The following DCDC1 variants were observed in gnomAD, a reference collection of about 807,000 sequenced individuals.
The protein encoded by DCDC1 is doublecortin domain-containing protein 1.
Under a neutral mutation model 178.3 loss-of-function variants are expected in DCDC1, and 200 were observed. The ratio of observed to expected loss-of-function variants is 1.12; its 90% CI spans 1.00 to 1.26. The LOEUF is 1.26. DCDC1 is among the 50% of genes most tolerant of loss of function. DCDC1 has a pLI of 0.00. For missense variants in DCDC1, 1,983 were observed against 1,749.2 expected, an observed-to-expected ratio of 1.13 and a Z score of -2.38; for synonymous variants, 690 against 604.8, an observed-to-expected ratio of 1.14 and a Z score of -2.07.
intron 34 of DCDC1, 70 bp from the exon 35 acceptor site, chr11:30,894,454 G>A (rs1201140742): frequency 1.3e-6 from 2 of 1,579,886 alleles, no homozygotes; most frequent in Admixed American, 1.8e-5. Flanking sequence ...AACTGATTTG[G>A]CTCTCTATGT....
intron 20 of DCDC1, among the ~76,000 whole-genome samples, chr11:31,056,724 G>C (rs1156725917): frequency 6.6e-6 from 1 of 152,104 alleles, no homozygotes; most frequent in Middle Eastern, 3.4e-3. Context: ...CAATTTAGTG[G>C]GGAATTTTTA....
At chr11:31,189,440 T>C (rs934944477) in intron 9 of DCDC1, among the ~76,000 whole-genome samples, 2 of 152,184 alleles carry the variant, frequency 1.3e-5, no homozygotes, top group African/African-American at 4.8e-5. Flanking sequence ...CCTTCTTATC[T>C]CAGGACTGAA....
chr11:31,012,100 T>C (rs1398414571), intron 20 of DCDC1, among the ~76,000 whole-genome samples: 1 of 152,138 alleles, frequency 6.6e-6, no homozygotes, highest in Non-Finnish European at 1.5e-5. Context: ...ACATGCGTCT[T>C]CCTCTTCACC....
intron 20 of DCDC1, among the ~76,000 whole-genome samples, chr11:31,056,159 T>C (rs1407904206): frequency 6.6e-6 from 1 of 152,040 alleles, no homozygotes; most frequent in Non-Finnish European, 1.5e-5. Context: ...CAAGGCAGCA[T>C]GTATAATCTC....
intron 20 of DCDC1, among the ~76,000 whole-genome samples, chr11:31,018,466 C>T (rs1189612744): frequency 1.3e-5 from 2 of 152,176 alleles, no homozygotes; most frequent in Non-Finnish European, 2.9e-5. Flanking sequence ...GCCAGATGCC[C>T]TATGCTCCTC....
rs1310885772 is a variant in DCDC1, at chr11:30,865,026, G to A, written c.*347C>T. ...TTCAGTTGTACTCATCTGTCCCACT[G>A]TGCAAATGGAGTCACACGCTCACTC... On this transcript the variant is annotated 3_prime_UTR_variant, in exon 39 of 39. Transcript: ENST00000684477. 6.6e-6 allele frequency: 1 copy of A among 152,070 alleles called. No individual in the cohort carries two copies. The highest frequency in any genetic ancestry group is 1.9e-4 in the East Asian group (1 of 5,186). The allele number at this position is 152,070 out of a possible 1,614,324, so 9.4% of individuals were successfully genotyped here. A position where few individuals can be genotyped will look rare whatever the true frequency, so the allele number is the denominator to read the frequency against.
At chr11:31,101,148 T>C (rs987209655) in intron 15 of DCDC1, among the ~76,000 whole-genome samples, 1 of 152,162 alleles carries the variant, frequency 6.6e-6, no homozygotes, top group Non-Finnish European at 1.5e-5. Flanking sequence ...CATTGACTCT[T>C]GGAAATACAG....
intron 9 of DCDC1, among the ~76,000 whole-genome samples, chr11:31,164,751 G>A (rs1181576267): frequency 2.6e-5 from 4 of 152,170 alleles, no homozygotes; most frequent in Non-Finnish European, 5.9e-5. Context: ...ATATAAAATT[G>A]TTTTAATAAT....
intron 11 of DCDC1, among the ~76,000 whole-genome samples, chr11:31,114,680 A>T (rs879362839): frequency 6.6e-6 from 1 of 152,200 alleles, no homozygotes; most frequent in Non-Finnish European, 1.5e-5. Flanking sequence ...AGCTACTGTG[A>T]CTGGAGCAGA....
chr11:31,290,967 G>C, intron 6 of DCDC1, 115 bp from the exon 7 acceptor site: 1 of 929,682 alleles, frequency 1.1e-6, no homozygotes, highest in Non-Finnish European at 1.6e-6. Flanking sequence ...TCTCCATTTA[G>C]ATGCTGGTTT....
rs370492172 is a variant in DCDC1 at position 31,075,987 on chromosome 11, G to A, written c.2298+1878C>T. Among the ~76,000 whole-genome samples the A allele has an allele frequency of 1.1e-3, 166 of 152,268 alleles. 6 individuals carry two copies. The South Asian group carries it at 0.031, about 28-fold the overall frequency. On this transcript the variant is annotated intron_variant, in intron 18 of 38. Coordinates refer to ENST00000684477, the MANE Select transcript of DCDC1 (RefSeq NM_001387274.1). ...TGATTCTCCTGCCTCAGCCTCCCCA[G>A]TAGCTGGGATTACAGGCATGTACCA...
intron 34 of DCDC1, among the ~76,000 whole-genome samples, chr11:30,897,526 T>C (rs868282798): frequency 2.6e-4 from 34 of 130,970 alleles, no homozygotes; most frequent in African/African-American, 9.8e-4. Flanking sequence ...GAGCTTGCAG[T>C]GAGCTGAGAT....
intron 1 of DCDC1, among the ~76,000 whole-genome samples, chr11:31,351,058 A>G (rs1328649990): frequency 1.3e-5 from 2 of 152,084 alleles, no homozygotes; most frequent in African/African-American, 4.8e-5. Context: ...CTACATTTCA[A>G]GATTGACTTA....
At chr11:30,915,444 A>C in intron 27 of DCDC1, 67 bp downstream of exon 27, 1 of 1,539,990 alleles carries the variant, frequency 6.5e-7, no homozygotes, top group Non-Finnish European at 9.0e-7. Context: ...TTCTGTGGGG[A>C]CCATGCTAGA....
intron 20 of DCDC1, among the ~76,000 whole-genome samples, chr11:30,985,560 T>A (rs1950597384): frequency 6.6e-6 from 1 of 152,110 alleles, no homozygotes; most frequent in African/African-American, 2.4e-5. Flanking sequence ...GACATCTGAG[T>A]AAAAATATGA....
intron 3 of DCDC1, among the ~76,000 whole-genome samples, chr11:31,311,075 C>T (rs944999500): frequency 6.6e-6 from 1 of 152,196 alleles, no homozygotes; most frequent in Admixed American, 6.5e-5. Flanking sequence ...CTTCTGCTAA[C>T]TTCCTCTATG....
chr11:30,879,161 G>A (rs1310086510), intron 37 of DCDC1, among the ~76,000 whole-genome samples: 1 of 152,132 alleles, frequency 6.6e-6, no homozygotes, highest in African/African-American at 2.4e-5. Flanking sequence ...ATTCTTTGAT[G>A]AATTTCACAT....
intron 8 of DCDC1, among the ~76,000 whole-genome samples, chr11:31,251,558 G>C (rs1473973044): frequency 3.3e-5 from 5 of 151,952 alleles, no homozygotes; most frequent in Admixed American, 2.6e-4. Context: ...AGTCTTCTCA[G>C]CTTCCATAAT....
chr11:31,326,295 C>T (rs1465198066), intron 3 of DCDC1, among the ~76,000 whole-genome samples: 5 of 151,672 alleles, frequency 3.3e-5, no homozygotes, highest in African/African-American at 9.7e-5. Context: ...AGTGTTAAAC[C>T]GACTAACAAT....
Sources: allele counts gnomAD v4.1 joint callset (sites outside exome capture counted in the v4.1 genomes callset), GRCh38; gene constraint gnomAD v4.1.1; transcripts MANE v1.5; gene names NCBI Gene and HGNC (gene_info 2026-07-23, HGNC 2026-07-21).